The following PRKCA variants were observed in gnomAD, a reference collection of about 807,000 sequenced individuals.
The protein encoded by PRKCA is protein kinase C alpha.
PRKCA carries 27 observed loss-of-function variants against 87.0 expected under a neutral mutation model. That is an observed-to-expected ratio of 0.31 (90% CI 0.23 to 0.43). PRKCA has a LOEUF of 0.43. Ranked by LOEUF, PRKCA falls within the 20% of genes least tolerant of loss-of-function variation. PRKCA has a pLI of 1.00. For synonymous variants in PRKCA, 329 were observed against 311.1 expected (o/e 1.06, Z -0.61); for missense variants, 518 against 852.3 (o/e 0.61, Z 4.88).
At chr17:66,755,882 G>A (rs543261748) in intron 13 of PRKCA, among the ~76,000 whole-genome samples, 16 of 152,230 alleles carry the variant, frequency 1.1e-4, no homozygotes, top group Non-Finnish European at 1.9e-4. Context: ...CGCCTCCCTA[G>A]AGCCATTGGA....
intron 3 of PRKCA, among the ~76,000 whole-genome samples, chr17:66,604,943 A>C (rs1198742557): frequency 6.6e-6 from 1 of 152,076 alleles, no homozygotes; most frequent in Admixed American, 6.6e-5. Flanking sequence ...AGGATGGTAA[A>C]GAGTGACTTT....
At chr17:66,358,453 C>T (rs966554126) in intron 2 of PRKCA, among the ~76,000 whole-genome samples, 1 of 150,112 alleles carries the variant, frequency 6.7e-6, no homozygotes, top group Non-Finnish European at 1.5e-5. Context: ...AGGTACTTTG[C>T]ACATGGTAAT....
At chr17:66,587,362 T>C (rs966233108) in intron 3 of PRKCA, among the ~76,000 whole-genome samples, 1 of 152,224 alleles carries the variant, frequency 6.6e-6, no homozygotes, top group Non-Finnish European at 1.5e-5. Flanking sequence ...TTTTGTGTTG[T>C]TTTACATTTT....
rs552633887 is a variant in PRKCA at position 66,709,301 on chromosome 17, C to CTTTTT, written c.918+20277_918+20281dup. 6.7e-4 allele frequency among the ~76,000 whole-genome samples: 57 copies of CTTTTT among 84,912 alleles called. 6 individuals carry two copies. The highest frequency in any genetic ancestry group is 2.4e-3 in the African/African-American group (50 of 20,644). 55.7% of individuals were successfully genotyped at this position (84,912 alleles called of 152,430 possible). On this transcript the variant is annotated intron_variant, in intron 8 of 16. Coordinates refer to ENST00000413366, the MANE Select transcript of PRKCA (RefSeq NM_002737.3). ...AGAGAAGTCTCTTTTGAGATGATTT[C>CTTTTT]TTTTTTTTTTTTTTTTTTTTTTTTT...
intron 2 of PRKCA, among the ~76,000 whole-genome samples, chr17:66,328,587 C>G (rs984327042): frequency 7.9e-5 from 12 of 152,020 alleles, no homozygotes; most frequent in African/African-American, 2.7e-4. Flanking sequence ...CACTTGAGGT[C>G]AGGAGTTTGA....
At chr17:66,475,171 C>T (rs1345639791) in intron 2 of PRKCA, among the ~76,000 whole-genome samples, 1 of 152,114 alleles carries the variant, frequency 6.6e-6, no homozygotes, top group South Asian at 2.1e-4. Context: ...TGTTGGAAAA[C>T]TTATGCCAGA....
intron 3 of PRKCA, among the ~76,000 whole-genome samples, chr17:66,578,820 T>C (rs552370279): frequency 6.6e-6 from 1 of 152,280 alleles, no homozygotes; most frequent in South Asian, 2.1e-4. Context: ...TTGTGCCTCC[T>C]CCCAGCCGTC....
rs1974006205 is a variant in PRKCA, at chr17:66,735,664, T to C, written c.1230+2T>C. ...CTGCACTCCTGCTTCCAGACAGTGGTAAGGACCCTGGGAATCCCTGCGATG... is the reference window on the plus strand; with the variant it reads ...CTGCACTCCTGCTTCCAGACAGTGGCAAGGACCCTGGGAATCCCTGCGATG... On this transcript the variant is annotated splice_donor_variant, in intron 10 of 16. Transcript: ENST00000413366. LOFTEE classifies it high-confidence loss of function. 1 of 1,613,322 alleles carries C rather than the reference T, an allele frequency of 6.2e-7. No homozygotes were observed. Among genetic ancestry groups the C allele is most frequent in the African/African-American group, 1.3e-5 (1 of 74,892 alleles).
chr17:66,519,048 A>C (rs1967068247), intron 3 of PRKCA, among the ~76,000 whole-genome samples: 1 of 152,208 alleles, frequency 6.6e-6, no homozygotes, highest in African/African-American at 2.4e-5. Context: ...CTACACAAAC[A>C]TCAGGGTCTT....
At chr17:66,393,641 C>CGGGTGTGT (rs1555597454) in intron 2 of PRKCA, among the ~76,000 whole-genome samples, 6 of 148,096 alleles carry the variant, frequency 4.1e-5, no homozygotes, top group Non-Finnish European at 7.5e-5. Context: ...TGTGTGTGCA[C>CGGGTGTGT]GTGTGTGTGT....
intron 2 of PRKCA, among the ~76,000 whole-genome samples, chr17:66,381,983 G>A (rs1448292031): frequency 6.6e-6 from 1 of 152,174 alleles, no homozygotes; most frequent in Admixed American, 6.5e-5. Flanking sequence ...CCAAAACCAT[G>A]GCAGCAAAAT....
intron 2 of PRKCA, among the ~76,000 whole-genome samples, chr17:66,495,150 T>C (rs1266904140): frequency 6.6e-6 from 1 of 152,134 alleles, no homozygotes; most frequent in East Asian, 1.9e-4. Context: ...AACAGTTATT[T>C]TGTTGATTCA....
At chr17:66,785,874 G>A (rs1270104350) in intron 14 of PRKCA, among the ~76,000 whole-genome samples, 1 of 152,220 alleles carries the variant, frequency 6.6e-6, no homozygotes, top group African/African-American at 2.4e-5. Context: ...TGTCACCCAG[G>A]CTGGAGTGCA....
At position 66,741,644 on chromosome 17, in the gene PRKCA, C is replaced by T. The variant is rs765337839; in HGVS notation, c.1323-15C>T. The T allele has an allele frequency of 1.2e-5, 19 of 1,613,668 alleles. No homozygotes were observed. Among genetic ancestry groups the T allele is most frequent in the Middle Eastern group, 1.6e-4 (1 of 6,082 alleles). ...GGAAGCAAGTGAGAAACCTGAAGCC[C>T]GTTTTCTTTTGCAGATTCTATGCGG... On this transcript the variant is annotated splice_polypyrimidine_tract_variant and intron_variant, in intron 11 of 16. Transcript: ENST00000413366.
intron 2 of PRKCA, among the ~76,000 whole-genome samples, chr17:66,364,548 CAG>C (rs1293174629): frequency 2.0e-5 from 3 of 152,130 alleles, no homozygotes; most frequent in African/African-American, 7.2e-5. Flanking sequence ...TAATGAAGAA[CAG>C]AGACGTGGAG....
chr17:66,423,763 C>T (rs2143801227), intron 2 of PRKCA, among the ~76,000 whole-genome samples: 1 of 152,238 alleles, frequency 6.6e-6, no homozygotes, highest in African/African-American at 2.4e-5. Flanking sequence ...AGTTCTAGAA[C>T]TTTGCATGGA....
intron 2 of PRKCA, among the ~76,000 whole-genome samples, chr17:66,492,327 A>G (rs1916282926): frequency 6.6e-6 from 1 of 152,192 alleles, no homozygotes; most frequent in Admixed American, 6.5e-5. Flanking sequence ...TTCTTAGGAT[A>G]ACATTCGGCA....
At chr17:66,382,548 G>C (rs1007183423) in intron 2 of PRKCA, among the ~76,000 whole-genome samples, 1 of 152,162 alleles carries the variant, frequency 6.6e-6, no homozygotes, top group African/African-American at 2.4e-5. Context: ...TGATTTGCCT[G>C]CCTCAGCCTC....
At chr17:66,354,446 G>A (rs1907927384) in intron 2 of PRKCA, among the ~76,000 whole-genome samples, 2 of 152,132 alleles carry the variant, frequency 1.3e-5, no homozygotes, top group Admixed American at 1.3e-4. Context: ...ATTCTGAAAC[G>A]GCTTTGTAGG....
Sources: gnomAD v4.1 joint callset for allele counts (sites outside exome capture counted in the v4.1 genomes callset) on GRCh38, gnomAD v4.1.1 for gene constraint, MANE v1.5 for transcripts, NCBI Gene and HGNC (gene_info 2026-07-23, HGNC 2026-07-21) for gene names.